Variants in MTUS2 observed in about 807,000 individuals in gnomAD.
The protein encoded by MTUS2 is microtubule-associated tumor suppressor candidate 2.
Under a neutral mutation model 114.1 loss-of-function variants are expected in MTUS2, and 40 were observed. That is an observed-to-expected ratio of 0.35 (90% CI 0.27 to 0.46). The LOEUF is 0.46. MTUS2 is among the 20% of genes least tolerant of loss of function. MTUS2 has a pLI of 1.00. For missense variants in MTUS2, 1,679 were observed against 1,705.4 expected, an observed-to-expected ratio of 0.98 and a Z score of 0.27; for synonymous variants, 688 against 672.0, an observed-to-expected ratio of 1.02 and a Z score of -0.37.
intron 2 of MTUS2, among the ~76,000 whole-genome samples, chr13:28,953,439 G>A (rs902039142): frequency 2.0e-5 from 3 of 152,130 alleles, no homozygotes; most frequent in Non-Finnish European, 2.9e-5. Context: ...AAATCTGGAC[G>A]TGGAGGTTGC....
intron 7 of MTUS2, among the ~76,000 whole-genome samples, chr13:29,325,871 A>G (rs1900490417): frequency 1.3e-5 from 2 of 152,206 alleles, no homozygotes; most frequent in African/African-American, 4.8e-5. Flanking sequence ...GTCACAGGTG[A>G]TAAGTAGTAG....
chr13:28,871,459 A>G (rs1306360587), intron 2 of MTUS2, among the ~76,000 whole-genome samples: 1 of 152,178 alleles, frequency 6.6e-6, no homozygotes, highest in African/African-American at 2.4e-5. Context: ...TAAGATGATA[A>G]TGGATAGGAG....
chr13:28,940,644 AT>A (rs141052263), intron 2 of MTUS2, among the ~76,000 whole-genome samples: 21,106 of 151,820 alleles, frequency 0.14, 2,262 homozygotes, highest in African/African-American at 0.3. Context: ...ATATTCGAAT[AT>A]TAAAAAAAAC....
At chr13:29,100,541 T>G (rs2138819376) in intron 4 of MTUS2, among the ~76,000 whole-genome samples, 1 of 152,268 alleles carries the variant, frequency 6.6e-6, no homozygotes, top group East Asian at 1.9e-4. Context: ...AGACGGTAAA[T>G]TTGTCCAGGC....
intron 9 of MTUS2, among the ~76,000 whole-genome samples, chr13:29,459,211 TAAAG>T (rs749023429): frequency 2.6e-5 from 4 of 152,100 alleles, no homozygotes; most frequent in Non-Finnish European, 4.4e-5. Flanking sequence ...ATTCACAAAA[TAAAG>T]AAAGGGAGAT....
At chr13:29,293,545 A>G (rs1364570290) in intron 6 of MTUS2, among the ~76,000 whole-genome samples, 1 of 152,098 alleles carries the variant, frequency 6.6e-6, no homozygotes, top group Non-Finnish European at 1.5e-5. Flanking sequence ...TAACTATGAA[A>G]ATTTATGTGA....
chr13:28,976,230 G>GAA (rs1884097406), intron 2 of MTUS2, among the ~76,000 whole-genome samples: 44 of 88,708 alleles, frequency 5.0e-4, no homozygotes, highest in African/African-American at 2.0e-3. Flanking sequence ...AAAAAGAAAA[G>GAA]AAGAAAAAAA....
At chr13:28,894,352 GAGAGT>G in intron 2 of MTUS2, among the ~76,000 whole-genome samples, 17 of 117,098 alleles carry the variant, frequency 1.5e-4, no homozygotes, top group African/African-American at 4.8e-4. Context: ...GAGAGAGAGT[GAGAGT>G]GAGAGAGAGA....
intron 6 of MTUS2, among the ~76,000 whole-genome samples, chr13:29,292,412 A>T (rs1181260480): frequency 6.6e-6 from 1 of 152,202 alleles, no homozygotes; most frequent in African/African-American, 2.4e-5. Context: ...TCACTCATTG[A>T]ACAAACATCT....
At chr13:28,946,624 A>G (rs1882548273) in intron 2 of MTUS2, among the ~76,000 whole-genome samples, 2 of 152,214 alleles carry the variant, frequency 1.3e-5, no homozygotes, top group South Asian at 4.1e-4. Context: ...AGGTTGCTTT[A>G]AAGAATAATT....
intron 2 of MTUS2, among the ~76,000 whole-genome samples, chr13:28,946,322 C>T (rs577573695): frequency 9.7e-4 from 147 of 151,586 alleles, no homozygotes; most frequent in Middle Eastern, 3.4e-3. Flanking sequence ...CACATACCTG[C>T]GTGCAAGTGT....
At chr13:29,044,755 G>T (rs1593416109) in intron 4 of MTUS2, among the ~76,000 whole-genome samples, 1 of 152,140 alleles carries the variant, frequency 6.6e-6, no homozygotes, top group African/African-American at 2.4e-5. Flanking sequence ...ACATCCAGAT[G>T]TGGCTTAACT....
chr13:29,252,019 G>A (rs1441926906), intron 5 of MTUS2, among the ~76,000 whole-genome samples: 1 of 152,126 alleles, frequency 6.6e-6, no homozygotes, highest in African/African-American at 2.4e-5. Context: ...GCTCTTTTGA[G>A]TTTACAGTGA....
intron 5 of MTUS2, among the ~76,000 whole-genome samples, chr13:29,237,173 G>C (rs994164784): frequency 1.3e-5 from 2 of 152,164 alleles, no homozygotes; most frequent in East Asian, 1.9e-4. Context: ...TGATTTAAAA[G>C]GGTTCTTTAA....
At chr13:29,121,776 C>T (rs1253010406) in intron 5 of MTUS2, among the ~76,000 whole-genome samples, 1 of 152,100 alleles carries the variant, frequency 6.6e-6, no homozygotes, top group Non-Finnish European at 1.5e-5. Flanking sequence ...CCTGCCTCAG[C>T]CTTCCGAGTA....
intron 10 of MTUS2, 125 bp from the exon 11 acceptor site, chr13:29,487,775 T>TC: frequency 1.3e-6 from 1 of 773,284 alleles, no homozygotes; most frequent in Non-Finnish European, 2.2e-6. Flanking sequence ...CCAGCTCTCC[T>TC]GCTTCGGCAC....
At chr13:28,929,351 A>G (rs1051412368) in intron 2 of MTUS2, among the ~76,000 whole-genome samples, 2 of 152,192 alleles carry the variant, frequency 1.3e-5, no homozygotes. Context: ...AAAGACAAGT[A>G]TTTAAGGTGG....
At chr13:29,436,259 G>A (rs560483186) in intron 8 of MTUS2, among the ~76,000 whole-genome samples, 19 of 152,310 alleles carry the variant, frequency 1.2e-4, no homozygotes, top group Admixed American at 9.8e-4. Flanking sequence ...TGGTGTGCTC[G>A]TGTTTGATGA....
chr13:29,458,383 C>T (rs1385608342), intron 9 of MTUS2, among the ~76,000 whole-genome samples: 1 of 152,118 alleles, frequency 6.6e-6, no homozygotes, highest in Non-Finnish European at 1.5e-5. Flanking sequence ...ATGTCTGTTC[C>T]GCATAAAAGT....
Sources: allele counts gnomAD v4.1 joint callset (sites outside exome capture counted in the v4.1 genomes callset), GRCh38; gene constraint gnomAD v4.1.1; transcripts MANE v1.5; gene names NCBI Gene and HGNC (gene_info 2026-07-23, HGNC 2026-07-21).